Variants in XPR1 observed in about 807,000 individuals in gnomAD.
XPR1 encodes the protein solute carrier family 53 member 1.
XPR1 carries 28 observed loss-of-function variants against 87.5 expected under a neutral mutation model. The observed-to-expected ratio is 0.32, with a 90% CI of 0.24 to 0.44. The LOEUF (loss-of-function observed/expected upper bound fraction) is 0.44, where lower values mean the gene tolerates loss of function less well. XPR1 is among the 20% of genes least tolerant of loss of function. The probability of loss-of-function intolerance (pLI) is 1.00; values close to 1 mark genes in which losing one functional copy is unlikely to be tolerated. For missense variants in XPR1, 559 were observed against 862.3 expected (o/e 0.65, Z 4.41); for synonymous variants, 300 against 306.1 (o/e 0.98, Z 0.21).
intron 2 of XPR1, among the ~76,000 whole-genome samples, chr1:180,723,409 A>G (rs1658238637): frequency 6.6e-6 from 1 of 152,100 alleles, no homozygotes; most frequent in Non-Finnish European, 1.5e-5. Context: ...TTTTGCCATA[A>G]AAGGTACCAA....
chr1:180,694,103 G>A (rs1571732284), intron 2 of XPR1, among the ~76,000 whole-genome samples: 1 of 152,048 alleles, frequency 6.6e-6, no homozygotes, highest in Non-Finnish European at 1.5e-5. Context: ...GACTACAGGC[G>A]CATGCCAGTG....
chr1:180,754,620 C>T (rs1404316530), intron 2 of XPR1, among the ~76,000 whole-genome samples: 1 of 151,876 alleles, frequency 6.6e-6, no homozygotes, highest in East Asian at 1.9e-4. Flanking sequence ...ATCACCATGC[C>T]CAGCTGCTTT....
intron 2 of XPR1, among the ~76,000 whole-genome samples, chr1:180,784,981 C>A (rs141570031): frequency 0.01 from 1,170 of 113,550 alleles, 16 homozygotes; most frequent in African/African-American, 0.033. Flanking sequence ...TATATTTTTT[C>A]GCCTGTTAGT....
chr1:180,807,754 C>T (rs1370494124), intron 6 of XPR1, among the ~76,000 whole-genome samples: 1 of 152,162 alleles, frequency 6.6e-6, no homozygotes, highest in Admixed American at 6.5e-5. Context: ...CCTGTAATCC[C>T]AGAAATTTGG....
At chr1:180,664,402 C>T (rs982671695) in intron 1 of XPR1, among the ~76,000 whole-genome samples, 2 of 152,144 alleles carry the variant, frequency 1.3e-5, no homozygotes, top group African/African-American at 4.8e-5. Flanking sequence ...AGCTGGTTCC[C>T]TTCAGGTCAA....
Position 180,685,996 on chromosome 1 carries a change from C to T in XPR1, c.121+3585C>T, listed in dbSNP as rs183913311. ...TTTGTCTCTATTTCCTTCAGTTCTG[C>T]TCTGATCTTAGTTATTTCTTGCCTT... is the stretch of plus-strand genomic sequence containing the variant. On this transcript the variant is annotated intron_variant, in intron 2 of 14. Coordinates refer to ENST00000367590, the MANE Select transcript of XPR1 (RefSeq NM_004736.4). Among the ~76,000 whole-genome samples, 962 of 152,176 alleles carry T rather than the reference C, an allele frequency of 6.3e-3. 8 individuals carry two copies. The highest frequency in any genetic ancestry group is 0.01 in the Non-Finnish European group (700 of 68,022).
intron 1 of XPR1, among the ~76,000 whole-genome samples, chr1:180,658,004 C>T (rs921113564): frequency 3.3e-5 from 5 of 151,994 alleles, no homozygotes; most frequent in Non-Finnish European, 7.4e-5. Flanking sequence ...AGAGATCTAT[C>T]ACTTCTTTGG....
At chr1:180,660,963 TACTG>T (rs1363415738) in intron 1 of XPR1, among the ~76,000 whole-genome samples, 4 of 152,208 alleles carry the variant, frequency 2.6e-5, no homozygotes, top group South Asian at 4.1e-4. Context: ...CTCCAGTTCT[TACTG>T]TACTGGAGTT....
chr1:180,755,488 T>C (rs1318185202), intron 2 of XPR1, among the ~76,000 whole-genome samples: 1 of 152,220 alleles, frequency 6.6e-6, no homozygotes, highest in Non-Finnish European at 1.5e-5. Flanking sequence ...TACCAGCTAC[T>C]TCAGTTACTG....
chr1:180,815,202 T>C (rs1650363621), intron 7 of XPR1, among the ~76,000 whole-genome samples: 1 of 152,186 alleles, frequency 6.6e-6, no homozygotes. Flanking sequence ...ACATAAAAAA[T>C]ACATTTTTCC....
chr1:180,711,366 C>T (rs1657784642), intron 2 of XPR1, among the ~76,000 whole-genome samples: 1 of 152,252 alleles, frequency 6.6e-6, no homozygotes, highest in African/African-American at 2.4e-5. Flanking sequence ...AATCCCAGCA[C>T]CTCGGGAGGC....
intron 6 of XPR1, among the ~76,000 whole-genome samples, chr1:180,807,514 T>C (rs1457040639): frequency 6.6e-6 from 1 of 152,182 alleles, no homozygotes; most frequent in East Asian, 1.9e-4. Flanking sequence ...GTGTAAGGCC[T>C]TTACATTGAA....
chr1:180,826,632 C>G (rs76122035), intron 9 of XPR1, among the ~76,000 whole-genome samples: 2 of 152,180 alleles, frequency 1.3e-5, no homozygotes, highest in African/African-American at 4.8e-5. Flanking sequence ...TTATGAATTA[C>G]AGCTAACAAT....
At chr1:180,682,818 A>ATG (rs368072502) in intron 2 of XPR1, among the ~76,000 whole-genome samples, 3 of 150,324 alleles carry the variant, frequency 2.0e-5, no homozygotes, top group South Asian at 2.1e-4. Context: ...TTTACAATGG[A>ATG]TGTGTGTGTG....
intron 2 of XPR1, among the ~76,000 whole-genome samples, chr1:180,752,793 C>T (rs1312334040): frequency 1.3e-5 from 2 of 152,092 alleles, no homozygotes; most frequent in Admixed American, 1.3e-4. Flanking sequence ...TTCCAAAACA[C>T]AGATCTTCTG....
Position 180,710,709 on chromosome 1 carries a change from G to A in XPR1, c.121+28298G>A, listed in dbSNP as rs1264737586. Reference sequence around the variant, plus strand: ...CATCATGGCCTGCTCTCAATGAGCTGTTGGGTACACCTCCCAGATGGGGTG... The same window carrying A: ...CATCATGGCCTGCTCTCAATGAGCTATTGGGTACACCTCCCAGATGGGGTG... On this transcript the variant is annotated intron_variant, in intron 2 of 14. Transcript: ENST00000367590. Among the ~76,000 whole-genome samples, 4 of 152,364 alleles carry A rather than the reference G, an allele frequency of 2.6e-5. No individual in the cohort carries two copies. In the East Asian group the frequency reaches 7.7e-4, roughly 29 times the overall value.
At chr1:180,836,380 G>C in intron 10 of XPR1, 142 bp from the exon 11 acceptor site, 1 of 859,858 alleles carries the variant, frequency 1.2e-6, no homozygotes, top group Non-Finnish European at 1.7e-6. Context: ...AAAATCTTGA[G>C]AATATAATAG....
At chr1:180,865,189 T>A (rs1038421128) in intron 12 of XPR1, among the ~76,000 whole-genome samples, 1 of 152,164 alleles carries the variant, frequency 6.6e-6, no homozygotes, top group Non-Finnish European at 1.5e-5. Flanking sequence ...TGATCTTTTT[T>A]ACCTAAACTA....
intron 2 of XPR1, among the ~76,000 whole-genome samples, chr1:180,779,789 C>T (rs956064294): frequency 4.6e-5 from 7 of 152,030 alleles, no homozygotes; most frequent in African/African-American, 1.7e-4. Context: ...GCAGCCATCA[C>T]CACTATCTAA....
Sources: gnomAD v4.1 joint callset for allele counts (sites outside exome capture counted in the v4.1 genomes callset) on GRCh38, gnomAD v4.1.1 for gene constraint, MANE v1.5 for transcripts, NCBI Gene and HGNC (gene_info 2026-07-23, HGNC 2026-07-21) for gene names.